BCAT1: variants seen among roughly 807,000 people sequenced by gnomAD.
BCAT1 encodes branched chain amino acid transaminase 1.
BCAT1 carries 48 observed loss-of-function variants against 52.4 expected under a neutral mutation model. That is an observed-to-expected ratio of 0.92 (90% CI 0.73 to 1.16). BCAT1 has a LOEUF of 1.16. Among genes scored for constraint, BCAT1 ranks in the 50% most tolerant of loss-of-function variants. The pLI, the probability that BCAT1 is intolerant of heterozygous loss-of-function variation, is 0.00. For missense variants in BCAT1, 451 were observed against 457.1 expected, an observed-to-expected ratio of 0.99 and a Z score of 0.12; for synonymous variants, 167 against 161.3, an observed-to-expected ratio of 1.04 and a Z score of -0.27.
rs866148406 is a variant in BCAT1 at position 24,810,135 on chromosome 12, G to A, written c.*7873C>T. The A allele has an allele frequency of 1.1e-4, 17 of 152,076 alleles. No individual in the cohort carries two copies. The highest frequency in any genetic ancestry group is 2.9e-4 in the African/African-American group (12 of 41,398). The allele number at this position is 152,076 out of a possible 1,614,324, so 9.4% of individuals were successfully genotyped here. On this transcript the variant is annotated 3_prime_UTR_variant, in exon 11 of 11. Coordinates refer to ENST00000261192, the MANE Select transcript of BCAT1 (RefSeq NM_005504.7). ...ATCATGGGTTTTGATCAACACTGTC[G>A]CGATTGCATACAGACATAGCTAGAG...
chr12:24,886,656 T>C (rs768135366), intron 3 of BCAT1, among the ~76,000 whole-genome samples: 1 of 152,064 alleles, frequency 6.6e-6, no homozygotes, highest in Non-Finnish European at 1.5e-5. Flanking sequence ...AAATTAATAA[T>C]TGTTACTGTT....
chr12:24,861,264 T>C (rs760543006), intron 5 of BCAT1, among the ~76,000 whole-genome samples: 3 of 152,236 alleles, frequency 2.0e-5, no homozygotes, highest in Non-Finnish European at 4.4e-5. Context: ...AGTATTTTAA[T>C]TCTGAACATG....
At chr12:24,932,050 G>A (rs966950725) in intron 1 of BCAT1, among the ~76,000 whole-genome samples, 1 of 152,158 alleles carries the variant, frequency 6.6e-6, no homozygotes, top group African/African-American at 2.4e-5. Flanking sequence ...AGGAAGTTGG[G>A]AATTGGAAAG....
intron 7 of BCAT1, among the ~76,000 whole-genome samples, chr12:24,836,890 AAAG>A (rs1940963321): frequency 1.5e-5 from 1 of 65,108 alleles, no homozygotes; most frequent in Non-Finnish European, 2.9e-5. Flanking sequence ...AGAAAGAAAG[AAAG>A]AAAGAAAAGA....
At chr12:24,903,185 A>T in intron 1 of BCAT1, 1 of 1,161,986 alleles carries the variant, frequency 8.6e-7, no homozygotes, top group Non-Finnish European at 1.1e-6. Context: ...AGGAGCCTCC[A>T]ACCGTCTCGT....
At chr12:24,937,504 T>TTTTG (rs1287365335) in intron 1 of BCAT1, among the ~76,000 whole-genome samples, 2 of 146,552 alleles carry the variant, frequency 1.4e-5, no homozygotes, top group East Asian at 1.9e-4. Context: ...TTTTGTTGGT[T>TTTTG]TTTGTTTGTT....
At chr12:24,874,270 C>T (rs1452962673) in intron 5 of BCAT1, among the ~76,000 whole-genome samples, 1 of 152,156 alleles carries the variant, frequency 6.6e-6, no homozygotes, top group Admixed American at 6.5e-5. Context: ...GCCAAGATTG[C>T]ACCATTGCAC....
chr12:24,865,566 A>G (rs1941982219), intron 5 of BCAT1, among the ~76,000 whole-genome samples: 1 of 152,082 alleles, frequency 6.6e-6, no homozygotes. Context: ...TCAACAATAT[A>G]ATAGTTGATT....
intron 5 of BCAT1, among the ~76,000 whole-genome samples, chr12:24,872,040 A>G (rs112926935): frequency 1.3e-5 from 2 of 152,244 alleles, no homozygotes; most frequent in Admixed American, 6.5e-5. Context: ...ATGATTTATA[A>G]ATTGCTGCTG....
chr12:24,902,335 G>A, intron 1 of BCAT1: 4 of 1,219,190 alleles, frequency 3.3e-6, no homozygotes, highest in Non-Finnish European at 3.1e-6. Context: ...GAACGGGGAC[G>A]GGCGTGAACC....
chr12:24,923,551 C>G (rs746472441), intron 1 of BCAT1, among the ~76,000 whole-genome samples: 6 of 152,152 alleles, frequency 3.9e-5, no homozygotes, highest in African/African-American at 1.4e-4. Context: ...GGACTACAGG[C>G]GTGCACCACC....
At chr12:24,866,495 C>T (rs960202820) in intron 5 of BCAT1, among the ~76,000 whole-genome samples, 18 of 152,180 alleles carry the variant, frequency 1.2e-4, no homozygotes, top group African/African-American at 3.9e-4. Flanking sequence ...GTGCACGGCG[C>T]GGGACTGGCA....
chr12:24,920,828 C>T (rs1161673929), intron 1 of BCAT1, among the ~76,000 whole-genome samples: 1 of 152,150 alleles, frequency 6.6e-6, no homozygotes, highest in Non-Finnish European at 1.5e-5. Flanking sequence ...ACCCCCTCTT[C>T]CGGTTTGATT....
intron 10 of BCAT1, among the ~76,000 whole-genome samples, chr12:24,827,594 C>G (rs558171780): frequency 1.7e-4 from 26 of 152,286 alleles, no homozygotes; most frequent in Non-Finnish European, 1.3e-4. Flanking sequence ...GAGTTTGAGA[C>G]CAGCCTGGCC....
intron 5 of BCAT1, among the ~76,000 whole-genome samples, chr12:24,852,837 T>A (rs2139478707): frequency 6.6e-6 from 1 of 152,384 alleles, no homozygotes; most frequent in Middle Eastern, 3.4e-3. Context: ...GTACTTCAAG[T>A]ACTGGTGTTG....
chr12:24,901,855 T>C lies in BCAT1; in HGVS notation c.37A>G (p.Thr13Ala), dbSNP rs779384916. The change falls in exon 2 of 11, where the codon ACC becomes GCC. Residue 13 changes from threonine to alanine, a missense_variant. Transcript: ENST00000261192. ...DCSNGCSAEC[T>A]GEGGSKEVVG... ...ACCTCTTTTGATCCTCCTTCTCCGG[T>C]ACACTCTGCGGAGCATCCGTTACTG... The C allele has an allele frequency of 6.2e-7, 1 of 1,614,018 alleles. No homozygotes were observed. Among genetic ancestry groups the C allele is most frequent in the Non-Finnish European group, 8.5e-7 (1 of 1,179,896 alleles).
intron 3 of BCAT1, among the ~76,000 whole-genome samples, chr12:24,885,559 A>G (rs1428407711): frequency 1.3e-5 from 2 of 152,232 alleles, no homozygotes; most frequent in Non-Finnish European, 2.9e-5. Flanking sequence ...GACTTGATAA[A>G]CCAAATCTAA....
At chr12:24,843,924 A>G (rs1482594035) in intron 6 of BCAT1, among the ~76,000 whole-genome samples, 2 of 152,134 alleles carry the variant, frequency 1.3e-5, no homozygotes, top group Admixed American at 1.3e-4. Context: ...GGTATGCTGT[A>G]AAACTGGGGT....
At chr12:24,877,955 A>G (rs1308573292) in intron 5 of BCAT1, among the ~76,000 whole-genome samples, 1 of 152,128 alleles carries the variant, frequency 6.6e-6, no homozygotes, top group African/African-American at 2.4e-5. Context: ...GGAGTTTGAG[A>G]CCAGCCAGGA....
Sources: allele counts gnomAD v4.1 joint callset (sites outside exome capture counted in the v4.1 genomes callset), GRCh38; gene constraint gnomAD v4.1.1; transcripts MANE v1.5; gene names NCBI Gene and HGNC (gene_info 2026-07-23, HGNC 2026-07-21).